Variants in ITGB2 observed in about 807,000 individuals in gnomAD.
ITGB2 encodes integrin beta-2.
ITGB2 carries 56 observed loss-of-function variants against 86.8 expected under a neutral mutation model. The observed-to-expected ratio is 0.65, with a 90% CI of 0.52 to 0.81. The LOEUF is 0.81. ITGB2 is among the 30% of genes least tolerant of loss of function. The pLI is 0.00. For synonymous variants in ITGB2, 457 were observed against 450.4 expected, an observed-to-expected ratio of 1.01 and a Z score of -0.19; for missense variants, 948 against 1,061.2, an observed-to-expected ratio of 0.89 and a Z score of 1.48.
Position 44,895,051 on chromosome 21 carries a change from C to T in ITGB2, c.1003G>A (p.Glu335Lys), listed in dbSNP as rs762699337. Residue 335 changes from glutamate (E) to lysine (K), a missense_variant, in exon 9 of 16, where the codon GAG becomes AAG. By Grantham distance (56) the Glu-to-Lys change is moderately conservative. Coordinates refer to ENST00000652462, the MANE Select transcript of ITGB2 (RefSeq NM_000211.5). ...RMVKTYEKLT[E>K]IIPKSAVGEL... is the part of the protein sequence containing the mutation. The stretch of plus-strand genomic sequence containing the variant: ...CCCACGGCTGACTTGGGGATGATCT[C>T]GGTGAGTTTCTGTTGGGCAAGAAGA... 10 of 1,613,154 alleles carry T rather than the reference C, an allele frequency of 6.2e-6. No homozygotes were observed. Among genetic ancestry groups the T allele is most frequent in the East Asian group, 2.2e-5 (1 of 44,870 alleles).
chr21:44,919,868 TGGAGGATGCATGGGGA>T (rs2084273703), intron 1 of ITGB2, among the ~76,000 whole-genome samples: 1 of 150,190 alleles, frequency 6.7e-6, no homozygotes, highest in Admixed American at 6.6e-5. Context: ...GTGCCAGGGG[TGGAGGATGCATGGGGA>T]GGGCTGGCCC....
chr21:44,892,604 C>CAATAA (rs2083803363), intron 10 of ITGB2, among the ~76,000 whole-genome samples: 1 of 71,144 alleles, frequency 1.4e-5, no homozygotes, highest in Non-Finnish European at 2.6e-5. Flanking sequence ...AACTCCATCT[C>CAATAA]AAAAAAAAAA....
rs1490453952 is a variant in ITGB2 at position 44,900,416 on chromosome 21, G to T, written c.801C>A (p.Phe267Leu). 6.2e-7 allele frequency: 1 copy of T among 1,613,956 alleles called. No individual in the cohort carries two copies. Among genetic ancestry groups the T allele is most frequent in the African/African-American group, 1.3e-5 (1 of 74,932 alleles). ...RLLVFATDDG[F>L]HFAGDGKLGA... ...CCAGCTTCCCGTCGCCCGCGAAATGGAAGCCGTCATCAGTGGCAAACACCA... is the reference window on the plus strand; with the variant it reads ...CCAGCTTCCCGTCGCCCGCGAAATGTAAGCCGTCATCAGTGGCAAACACCA... Residue 267 changes from phenylalanine to leucine, a missense_variant, in exon 7 of 16, where the codon TTC (phenylalanine) becomes TTA (leucine). Phe to Leu is a conservative substitution (Grantham distance 22, BLOSUM62 0). Transcript: ENST00000652462.
chr21:44,910,432 G>C, intron 2 of ITGB2, 60 bp from the exon 3 acceptor site: 1 of 1,612,034 alleles, frequency 6.2e-7, no homozygotes, highest in Non-Finnish European at 8.5e-7. Context: ...ACACCCAAGG[G>C]GGAGTAGAGC....
rs767870813 is a variant in ITGB2 at position 44,900,371 on chromosome 21, G to A, written c.846C>T (p.Asn282=). 45 of 1,614,076 alleles carry A rather than the reference G, an allele frequency of 2.8e-5. 2 individuals are homozygous for A. The highest frequency in any genetic ancestry group is 2.3e-4 in the South Asian group (21 of 91,092). Residue 282 remains asparagine, a synonymous_variant, in exon 7 of 16, where the codon AAC becomes AAT. Transcript: ENST00000652462. ...TGTCCTCCAGGTGACAGCGGCCGTCGTTGGGGGTCAGGATGGCGCCCAGCT... is the reference window on the plus strand; with the variant it reads ...TGTCCTCCAGGTGACAGCGGCCGTCATTGGGGGTCAGGATGGCGCCCAGCT... The part of the protein sequence containing the change: ...DGKLGAILTP[N]DGRCHLEDNL...
chr21:44,926,100 G>A (rs1373868634), intron 1 of ITGB2, among the ~76,000 whole-genome samples: 5 of 151,990 alleles, frequency 3.3e-5, no homozygotes, highest in Middle Eastern at 3.4e-3. Flanking sequence ...GCGAGACTCC[G>A]TCTCAAAAAA....
intron 8 of ITGB2, among the ~76,000 whole-genome samples, chr21:44,898,614 C>T (rs978676631): frequency 1.3e-5 from 2 of 152,256 alleles, no homozygotes; most frequent in African/African-American, 4.8e-5. Flanking sequence ...GCCTCTTTTT[C>T]TAGGAGCAGA....
intron 7 of ITGB2, among the ~76,000 whole-genome samples, chr21:44,900,095 G>A (rs1601301535): frequency 6.6e-6 from 1 of 152,328 alleles, no homozygotes; most frequent in East Asian, 1.9e-4. Flanking sequence ...GTCCCACAAG[G>A]GCGAGGCCGG....
At chr21:44,920,593 A>G (rs561523165) in intron 1 of ITGB2, among the ~76,000 whole-genome samples, 3 of 151,920 alleles carry the variant, frequency 2.0e-5, no homozygotes, top group Admixed American at 1.3e-4. Flanking sequence ...CCCCATCCTC[A>G]GCCGCAAGCG....
At position 44,888,911 on chromosome 21, in the gene ITGB2, T is replaced by C. The variant is rs1238294327; in HGVS notation, c.1878-16A>G. The C allele has an allele frequency of 6.3e-7, 1 of 1,599,778 alleles. No individual in the cohort carries two copies. Among genetic ancestry groups the C allele is most frequent in the Admixed American group, 1.7e-5 (1 of 59,892 alleles). ...GGCGCAGGAGCTGCGGGGAGCCAGGTGTGAGCATCGGTGCCAGGGTGTGCG... is the reference window on the plus strand; with the variant it reads ...GGCGCAGGAGCTGCGGGGAGCCAGGCGTGAGCATCGGTGCCAGGGTGTGCG... On this transcript the variant is annotated splice_polypyrimidine_tract_variant and intron_variant, in intron 13 of 15. Coordinates refer to ENST00000652462, the MANE Select transcript of ITGB2 (RefSeq NM_000211.5).
intron 9 of ITGB2, chr21:44,893,765 A>G: frequency 1.7e-6 from 1 of 577,098 alleles, no homozygotes; most frequent in Non-Finnish European, 3.2e-6. Flanking sequence ...ACTAGCATGG[A>G]GCCAGGGTGT....
chr21:44,908,550 C>G (rs961489637), intron 3 of ITGB2, among the ~76,000 whole-genome samples: 3 of 152,234 alleles, frequency 2.0e-5, no homozygotes, highest in Admixed American at 6.5e-5. Context: ...CTTGCTCTAT[C>G]TATCACAACC....
intron 3 of ITGB2, chr21:44,908,255 C>T: frequency 1.7e-6 from 1 of 601,696 alleles, no homozygotes; most frequent in Admixed American, 2.8e-5. Flanking sequence ...TCCTGCTGCC[C>T]TCCCCTTCTT....
At position 44,900,430 on chromosome 21, in the gene ITGB2, T is replaced by A; in HGVS notation, c.787A>T (p.Thr263Ser). 6.2e-7 allele frequency: 1 copy of A among 1,614,026 alleles called. No homozygotes were observed. Among genetic ancestry groups the A allele is most frequent in the Non-Finnish European group, 8.5e-7 (1 of 1,179,928 alleles). Residue 263 changes from threonine (T) to serine (S), a missense_variant, in exon 7 of 16, where the codon ACT becomes TCT. Transcript: ENST00000652462. ...CCCGCGAAATGGAAGCCGTCATCAG[T>A]GGCAAACACCAGCAGCCGCGTGACG... is the stretch of plus-strand genomic sequence containing the variant. ...RNVTRLLVFATDDGFHFAGDG... is the reference protein window; with the variant it reads ...RNVTRLLVFASDDGFHFAGDG...
In ITGB2 at chr21:44,886,756, G is replaced by A; in HGVS notation, c.2227C>T (p.Leu743Phe). 1.2e-6 allele frequency: 2 copies of A among 1,614,084 alleles called. No homozygotes were observed. Among genetic ancestry groups the A allele is most frequent in the South Asian group, 1.1e-5 (1 of 91,076 alleles). ...CTTACATTGTTCCACTGGGACTTGA[G>A]CTTCTCCTTCTCAAAGCGCCTGTAC... is the stretch of plus-strand genomic sequence containing the variant. ...REYRRFEKEKLKSQWNNDNPL... is the reference protein window; with the variant it reads ...REYRRFEKEKFKSQWNNDNPL... The change falls in exon 15 of 16, where the codon CTC (leucine) becomes TTC (phenylalanine). Residue 743 changes from leucine (L) to phenylalanine (F), a missense_variant. Physicochemically the swap from Leu to Phe is conservative, Grantham distance 22. Transcript: ENST00000652462.
chr21:44,896,403 C>A (rs1222914875), intron 8 of ITGB2, among the ~76,000 whole-genome samples: 1 of 152,192 alleles, frequency 6.6e-6, no homozygotes, highest in South Asian at 2.1e-4. Context: ...TGCACAGGGG[C>A]GCAGCCAGCC....
At chr21:44,916,595 T>C (rs990838249) in intron 1 of ITGB2, among the ~76,000 whole-genome samples, 16 of 151,962 alleles carry the variant, frequency 1.1e-4, no homozygotes, top group Admixed American at 2.0e-4. Context: ...AGGCCGGGCA[T>C]GGTGGCTCAT....
intron 1 of ITGB2, among the ~76,000 whole-genome samples, chr21:44,916,816 T>C (rs1019949484): frequency 6.8e-6 from 1 of 147,074 alleles, no homozygotes; most frequent in African/African-American, 2.5e-5. Context: ...TGCAGTGAGC[T>C]GAGATCTCAC....
At chr21:44,918,328 C>T (rs758525210) in intron 1 of ITGB2, among the ~76,000 whole-genome samples, 1 of 152,242 alleles carries the variant, frequency 6.6e-6, no homozygotes, top group African/African-American at 2.4e-5. Context: ...CATGGAATCG[C>T]CACAGGCGTC....
Sources: allele counts gnomAD v4.1 joint callset (sites outside exome capture counted in the v4.1 genomes callset), GRCh38; gene constraint gnomAD v4.1.1; transcripts MANE v1.5; gene names NCBI Gene and HGNC (gene_info 2026-07-23, HGNC 2026-07-21).